The following DTNB variants were observed in gnomAD, a reference collection of about 807,000 sequenced individuals.
DTNB encodes the protein DTN-B.
A neutral mutation model predicts 90.7 loss-of-function variants in DTNB; 63 were observed. The ratio of observed to expected loss-of-function variants is 0.69; its 90% CI spans 0.57 to 0.86. The LOEUF (loss-of-function observed/expected upper bound fraction) is 0.86, where lower values mean the gene tolerates loss of function less well. DTNB is among the 40% of genes least tolerant of loss of function. The pLI is 0.00. For synonymous variants in DTNB, 277 were observed against 286.7 expected (o/e 0.97, Z 0.34); for missense variants, 744 against 807.1 (o/e 0.92, Z 0.95).
intron 8 of DTNB, among the ~76,000 whole-genome samples, chr2:25,550,577 T>C (rs1214047653): frequency 6.6e-6 from 1 of 152,234 alleles, no homozygotes; most frequent in Non-Finnish European, 1.5e-5. Context: ...ATTTAATATT[T>C]GAGGGCTTAT....
chr2:25,655,245 C>T (rs536383259), intron 1 of DTNB, among the ~76,000 whole-genome samples: 1 of 152,332 alleles, frequency 6.6e-6, no homozygotes, highest in African/African-American at 2.4e-5. Context: ...GGCTTTCTTC[C>T]TCTTACTACA....
intron 16 of DTNB, among the ~76,000 whole-genome samples, chr2:25,398,529 C>T (rs1047636541): frequency 2.0e-5 from 3 of 152,172 alleles, no homozygotes; most frequent in Non-Finnish European, 4.4e-5. Context: ...CATGGGCTTT[C>T]GCCAGGCCTG....
At chr2:25,644,334 GT>G (rs960822390) in intron 2 of DTNB, among the ~76,000 whole-genome samples, 21 of 151,998 alleles carry the variant, frequency 1.4e-4, no homozygotes, top group African/African-American at 4.8e-4. Context: ...TAAGTGTATT[GT>G]GTTTAAAATG....
intron 14 of DTNB, among the ~76,000 whole-genome samples, chr2:25,428,994 A>G (rs957973585): frequency 7.2e-5 from 11 of 152,326 alleles, no homozygotes; most frequent in Non-Finnish European, 1.5e-4. Context: ...TGATCTCAAC[A>G]GACTTTCTAG....
intron 16 of DTNB, among the ~76,000 whole-genome samples, chr2:25,395,547 AAT>A (rs957364747): frequency 7.4e-5 from 11 of 148,832 alleles, no homozygotes; most frequent in African/African-American, 2.5e-4. Flanking sequence ...TATATACATA[AAT>A]ATAAATATAA....
chr2:25,390,743 G>C (rs1052557903), intron 16 of DTNB, among the ~76,000 whole-genome samples: 1 of 151,830 alleles, frequency 6.6e-6, no homozygotes, highest in Non-Finnish European at 1.5e-5. Context: ...CACTGAGCCC[G>C]ACCAAACTTC....
intron 20 of DTNB, among the ~76,000 whole-genome samples, chr2:25,378,799 C>T (rs1007466536): frequency 6.6e-6 from 1 of 152,190 alleles, no homozygotes; most frequent in South Asian, 2.1e-4. Context: ...GCGGCTTGGT[C>T]AGCCCTGTAG....
chr2:25,569,473 C>T (rs1271099964), intron 8 of DTNB, among the ~76,000 whole-genome samples: 1 of 152,186 alleles, frequency 6.6e-6, no homozygotes, highest in Non-Finnish European at 1.5e-5. Flanking sequence ...CTCTCCTAAT[C>T]AGACTGGTTG....
intron 9 of DTNB, among the ~76,000 whole-genome samples, chr2:25,494,751 C>A (rs1436077707): frequency 6.6e-6 from 1 of 152,080 alleles, no homozygotes; most frequent in Non-Finnish European, 1.5e-5. Context: ...TTCCTTTATC[C>A]CAATTTGAAA....
chr2:25,535,061 C>A (rs551026333), intron 8 of DTNB, among the ~76,000 whole-genome samples: 38 of 149,666 alleles, frequency 2.5e-4, no homozygotes, highest in Non-Finnish European at 4.9e-4. Flanking sequence ...GCGCTCCTCA[C>A]CTCCCAGACG....
chr2:25,463,830 CAA>C (rs2061378159), intron 10 of DTNB, among the ~76,000 whole-genome samples: 1 of 152,216 alleles, frequency 6.6e-6, no homozygotes, highest in African/African-American at 2.4e-5. Context: ...GCGTAACTCA[CAA>C]ATACCTTAAT....
intron 8 of DTNB, among the ~76,000 whole-genome samples, chr2:25,543,319 T>TG (rs1056439177): frequency 7.0e-4 from 107 of 152,038 alleles, no homozygotes; most frequent in African/African-American, 2.6e-3. Context: ...TTTTGTTTTT[T>TG]TTTTGAGACA....
At chr2:25,501,609 T>G (rs1477657880) in intron 9 of DTNB, among the ~76,000 whole-genome samples, 2 of 152,082 alleles carry the variant, frequency 1.3e-5, no homozygotes, top group Non-Finnish European at 2.9e-5. Flanking sequence ...ACTTCTGACC[T>G]CAAGAGATCA....
At chr2:25,390,666 C>T (rs1433166465) in intron 16 of DTNB, among the ~76,000 whole-genome samples, 1 of 152,008 alleles carries the variant, frequency 6.6e-6, no homozygotes, top group African/African-American at 2.4e-5. Context: ...AGGCTGGCTT[C>T]AAACTCCTGA....
rs1373869446 is a variant in DTNB, at chr2:25,425,212, C to T, written c.1554+2323G>A. ...AAAATATTTCTGAGGAAAAATCCTG[C>T]TAACAGGGTTAATGTAGAAACATAT... On this transcript the variant is annotated intron_variant, in intron 15 of 20. Coordinates refer to ENST00000406818, the MANE Select transcript of DTNB (RefSeq NM_021907.5). 2.6e-5 allele frequency among the ~76,000 whole-genome samples: 4 copies of T among 152,114 alleles called. No individual in the cohort carries two copies. In the East Asian group the frequency reaches 7.7e-4, roughly 29 times the overall value.
chr2:25,486,354 C>T (rs1050606499), intron 9 of DTNB, among the ~76,000 whole-genome samples: 1 of 152,090 alleles, frequency 6.6e-6, no homozygotes, highest in African/African-American at 2.4e-5. Flanking sequence ...GTCCCAGCTA[C>T]TCAGGAGGCT....
At chr2:25,442,443 T>C (rs1285090107) in intron 12 of DTNB, among the ~76,000 whole-genome samples, 1 of 152,136 alleles carries the variant, frequency 6.6e-6, no homozygotes, top group African/African-American at 2.4e-5. Context: ...ACCAATTAAA[T>C]TGATGTCTGG....
intron 19 of DTNB, among the ~76,000 whole-genome samples, chr2:25,380,295 A>C (rs116454302): frequency 0.014 from 2,108 of 152,336 alleles, 30 homozygotes; most frequent in Non-Finnish European, 0.025. Flanking sequence ...AGGTGACTGC[A>C]GTTAGTCCTA....
At chr2:25,547,235 A>G (rs2082620034) in intron 8 of DTNB, among the ~76,000 whole-genome samples, 1 of 151,366 alleles carries the variant, frequency 6.6e-6, no homozygotes, top group Non-Finnish European at 1.5e-5. Context: ...TAAATTTACT[A>G]ATTTTTTAAT....
Sources: allele counts gnomAD v4.1 joint callset (sites outside exome capture counted in the v4.1 genomes callset), GRCh38; gene constraint gnomAD v4.1.1; transcripts MANE v1.5; gene names NCBI Gene and HGNC (gene_info 2026-07-23, HGNC 2026-07-21).